TNS4: variants seen among roughly 807,000 people sequenced by gnomAD.
TNS4 encodes the protein tensin-4.
Under a neutral mutation model 70.4 loss-of-function variants are expected in TNS4, and 46 were observed. The observed-to-expected ratio is 0.65, with a 90% CI of 0.52 to 0.84. The LOEUF is 0.84. TNS4 is among the 40% of genes least tolerant of loss of function. The probability of loss-of-function intolerance (pLI) is 0.00; values close to 1 mark genes in which losing one functional copy is unlikely to be tolerated. For missense variants in TNS4, 863 were observed against 907.0 expected (o/e 0.95, Z 0.62); for synonymous variants, 390 against 366.6 (o/e 1.06, Z -0.73).
In TNS4 at chr17:40,484,567, A is replaced by G; in HGVS notation, c.1418T>C (p.Ile473Thr). 8.7e-6 allele frequency: 14 copies of G among 1,612,948 alleles called. No individual in the cohort carries two copies. The highest frequency in any genetic ancestry group is 1.2e-5 in the Non-Finnish European group (14 of 1,180,006). Reference protein sequence around the residue: ...LRKEEPGAFVIRDSSSYRGSF... With the variant: ...LRKEEPGAFVTRDSSSYRGSF... ...GCCTCGGTATGAAGAGCTGTCCCTT[A>G]TGACAAAAGCCCCTGGCTCCTCCTT... is the stretch of plus-strand genomic sequence containing the variant. Residue 473 changes from isoleucine (I) to threonine (T), a missense_variant, in exon 6 of 13, where the codon ATA becomes ACA. Physicochemically the swap from Ile to Thr is moderately conservative, Grantham distance 89 (BLOSUM62 -1). Coordinates refer to ENST00000254051, the MANE Select transcript of TNS4 (RefSeq NM_032865.6).
intron 1 of TNS4, among the ~76,000 whole-genome samples, chr17:40,500,648 C>T (rs2036200946): frequency 1.3e-5 from 2 of 152,330 alleles, no homozygotes; most frequent in African/African-American, 4.8e-5. Flanking sequence ...ACCTCTTCTC[C>T]TGACTTACTC....
At chr17:40,484,633 A>C in intron 5 of TNS4, 24 bp from the exon 6 acceptor site, 1 of 1,610,096 alleles carries the variant, frequency 6.2e-7, no homozygotes, top group Non-Finnish European at 8.5e-7. Flanking sequence ...TGAGTCAGAG[A>C]TGGACACCGC....
intron 1 of TNS4, 80 bp from the exon 2 acceptor site, chr17:40,496,600 T>A: frequency 1.6e-6 from 1 of 626,814 alleles, no homozygotes; most frequent in Non-Finnish European, 2.6e-6. Flanking sequence ...AAAGGCTAAG[T>A]TATTCATTCA....
chr17:40,500,469 T>C (rs1011108621), intron 1 of TNS4, among the ~76,000 whole-genome samples: 7 of 152,098 alleles, frequency 4.6e-5, no homozygotes, highest in Non-Finnish European at 8.8e-5. Context: ...CTCTGTGTGG[T>C]TGGGAGGCAC....
intron 1 of TNS4, among the ~76,000 whole-genome samples, chr17:40,497,552 G>A (rs527544776): frequency 6.6e-5 from 10 of 152,332 alleles, no homozygotes; most frequent in African/African-American, 1.7e-4. Context: ...GCAGTGAGCC[G>A]AGATCGAGCC....
chr17:40,500,694 T>C (rs574550960), intron 1 of TNS4, among the ~76,000 whole-genome samples: 1 of 152,076 alleles, frequency 6.6e-6, no homozygotes, highest in South Asian at 2.1e-4. Flanking sequence ...AGGGAGAGGG[T>C]GGGGCAAGGG....
rs145222830 is a variant in TNS4 at position 40,481,898 on chromosome 17, C to T, written c.1672+231G>A. ...AGAGCCTTGCCCGGGCTATCTCTTT[C>T]GGTCTGCACAGCAATCCTATAAGTA... On this transcript the variant is annotated intron_variant, in intron 8 of 12. Transcript: ENST00000254051. 5.2e-3 allele frequency among the ~76,000 whole-genome samples: 793 copies of T among 152,328 alleles called. 7 individuals carry two copies. The highest frequency in any genetic ancestry group is 0.018 in the African/African-American group (761 of 41,574).
intron 2 of TNS4, among the ~76,000 whole-genome samples, chr17:40,491,371 G>A (rs2036064030): frequency 6.6e-6 from 1 of 152,214 alleles, no homozygotes; most frequent in Non-Finnish European, 1.5e-5. Context: ...TGTGGAAGTA[G>A]GGGATATTAT....
At chr17:40,483,165 A>T (rs11078948) in intron 6 of TNS4, among the ~76,000 whole-genome samples, 1 of 151,626 alleles carries the variant, frequency 6.6e-6, no homozygotes, top group East Asian at 1.9e-4. Context: ...CTGGTCTCGA[A>T]CTCCTGAGCT....
Position 40,496,280 on chromosome 17 carries a change from C to T in TNS4, c.146G>A (p.Gly49Glu). 1 of 1,609,026 alleles carries T rather than the reference C, an allele frequency of 6.2e-7. No individual in the cohort carries two copies. Among genetic ancestry groups the T allele is most frequent in the Non-Finnish European group, 8.5e-7 (1 of 1,177,722 alleles). The change falls in exon 2 of 13, where the codon GGA (glycine) becomes GAA (glutamate). Residue 49 changes from glycine (G) to glutamate (E), a missense_variant. Gly to Glu is a moderately conservative substitution (Grantham distance 98). Transcript: ENST00000254051. ...CACGGGGGCCATCAGGGCCTGGGCT[C>T]CCCAGCCTTCCGTGGTGTAGTAAGA... ...QCSYYTTEGWGAQALMAPVPC... is the reference protein window; with the variant it reads ...QCSYYTTEGWEAQALMAPVPC...
At position 40,488,678 on chromosome 17, in the gene TNS4, TG is replaced by T; in HGVS notation, c.730del (p.His244MetfsTer97). ...PCMGSKASSP[H>X]GLGSPLVASP... is the part of the protein sequence containing the mutation. ...AGCCACCAGCGGGGAGCCCAAACCATGGGGGCTCGAGGCCTTGCTCCCCATG... is the reference window on the plus strand; with the variant it reads ...AGCCACCAGCGGGGAGCCCAAACCATGGGGCTCGAGGCCTTGCTCCCCATG... On this transcript the variant is annotated frameshift_variant, in exon 3 of 13. Coordinates refer to ENST00000254051, the MANE Select transcript of TNS4 (RefSeq NM_032865.6). LOFTEE classifies it high-confidence loss of function. 2 of 1,568,770 alleles carry T rather than the reference TG, an allele frequency of 1.3e-6. No individual in the cohort carries two copies. The highest frequency in any genetic ancestry group is 1.1e-5 in the South Asian group (1 of 87,232).
At chr17:40,478,715 T>A (rs2035882481) in intron 10 of TNS4, 67 bp from the exon 11 acceptor site, 3 of 1,564,196 alleles carry the variant, frequency 1.9e-6, no homozygotes, top group Admixed American at 3.4e-5. Context: ...GCCTCCAGCA[T>A]CTCTCGTTCC....
Position 40,488,849 on chromosome 17 carries a change from G to A in TNS4, c.560C>T (p.Ser187Phe). Residue 187 changes from serine to phenylalanine, a missense_variant, in exon 3 of 13, where the codon TCC becomes TTC. Transcript: ENST00000254051. ...TCGTGTCTCTCGGGGGACGTCTCTGGAAAGGAGGAGGCCACCACTGCGAAG... is the reference window on the plus strand; with the variant it reads ...TCGTGTCTCTCGGGGGACGTCTCTGAAAAGGAGGAGGCCACCACTGCGAAG... Reference protein sequence around the residue: ...GSLRSGGLLLSRDVPRETRSS... With the variant: ...GSLRSGGLLLFRDVPRETRSS... 1 of 1,613,628 alleles carries A rather than the reference G, an allele frequency of 6.2e-7. No homozygotes were observed.
chr17:40,489,141 C>T (rs1259722822), intron 2 of TNS4, among the ~76,000 whole-genome samples, 172 bp from the exon 3 acceptor site: 1 of 152,088 alleles, frequency 6.6e-6, no homozygotes, highest in Non-Finnish European at 1.5e-5. Context: ...TTCCAGTCAC[C>T]CTCCCTGTGA....
At position 40,488,969 on chromosome 17, in the gene TNS4, T is replaced by G. The variant is rs1483189613; in HGVS notation, c.440A>C (p.Asp147Ala). ...GGAGGTCACCTCGATGTACTTTATG[T>G]CTTTGGGGGAGAAAAGCAGAGCATT... ...MRKKEESEAL[D>A]IKYIEVTSAR... The change falls in exon 3 of 13, where the codon GAC (aspartate) becomes GCC (alanine). Residue 147 changes from aspartate (D) to alanine (A), a missense_variant and splice_region_variant. Transcript: ENST00000254051. The G allele has an allele frequency of 3.2e-6, 5 of 1,560,738 alleles. No homozygotes were observed. Among genetic ancestry groups the G allele is most frequent in the Non-Finnish European group, 3.5e-6 (4 of 1,156,676 alleles).
intron 9 of TNS4, chr17:40,480,120 A>G (rs2035902377): frequency 4.8e-6 from 2 of 417,640 alleles, no homozygotes; most frequent in Non-Finnish European, 8.5e-6. Flanking sequence ...TGCCCAGGAA[A>G]ACATCCTTCT....
At chr17:40,492,154 G>A (rs191899867) in intron 2 of TNS4, among the ~76,000 whole-genome samples, 36 of 152,294 alleles carry the variant, frequency 2.4e-4, no homozygotes, top group Non-Finnish European at 4.1e-4. Flanking sequence ...GATGGATTCC[G>A]TGATGCCCCA....
Position 40,482,217 on chromosome 17 carries a change from G to T in TNS4, c.1595-11C>A, listed in dbSNP as rs759036959. On this transcript the variant is annotated splice_polypyrimidine_tract_variant and intron_variant, in intron 7 of 12. Transcript: ENST00000254051. ...AGGCAGAGAGGCTCCCTGAAAGGAA[G>T]CAAGCAGCCCTGCATGAGTAGAGCT... The T allele has an allele frequency of 6.2e-7, 1 of 1,614,182 alleles. No homozygotes were observed. Among genetic ancestry groups the T allele is most frequent in the South Asian group, 1.1e-5 (1 of 91,084 alleles).
At chr17:40,482,295 G>A (rs368816872) in intron 7 of TNS4, 29 bp downstream of exon 7, 27 of 1,613,492 alleles carry the variant, frequency 1.7e-5, no homozygotes, top group African/African-American at 1.1e-4. Flanking sequence ...CCCCCATCCC[G>A]GGGGAGCCTG....
Sources: allele counts gnomAD v4.1 joint callset (sites outside exome capture counted in the v4.1 genomes callset), GRCh38; gene constraint gnomAD v4.1.1; transcripts MANE v1.5; gene names NCBI Gene and HGNC (gene_info 2026-07-23, HGNC 2026-07-21).